QRICH1: variants seen among roughly 807,000 people sequenced by gnomAD.
QRICH1 encodes the protein glutamine rich 1.
QRICH1 carries 16 observed loss-of-function variants against 87.1 expected under a neutral mutation model. That is an observed-to-expected ratio of 0.18 (90% CI 0.12 to 0.28). The LOEUF is 0.28. Ranked by LOEUF, QRICH1 falls within the 10% of genes least tolerant of loss-of-function variation. QRICH1 has a pLI of 1.00. For synonymous variants in QRICH1, 367 were observed against 368.4 expected (o/e 1.00, Z 0.05); for missense variants, 647 against 951.7 (o/e 0.68, Z 4.21).
chr3:49,092,889 C>CT (rs941835102), intron 1 of QRICH1, among the ~76,000 whole-genome samples: 18 of 152,226 alleles, frequency 1.2e-4, no homozygotes, highest in Non-Finnish European at 2.2e-4. Flanking sequence ...TTAAGGCCAA[C>CT]TTTTTGGCTG....
Position 49,029,956 on chromosome 3 carries a change from CA to C in QRICH1, c.*495del, listed in dbSNP as rs2093224001. 1 of 179,886 alleles carries C rather than the reference CA, an allele frequency of 5.6e-6. No homozygotes were observed. Among genetic ancestry groups the C allele is most frequent in the Non-Finnish European group, 1.2e-5 (1 of 85,994 alleles). The allele number at this position is 179,886 out of a possible 1,614,324, so 11.1% of individuals were successfully genotyped here. A position where few individuals can be genotyped will look rare whatever the true frequency, so the allele number is the denominator to read the frequency against. On this transcript the variant is annotated 3_prime_UTR_variant, in exon 10 of 10. Transcript: ENST00000395443. ...GTAATAGAAATTGTCTTTAATAAATCATAATTGAAGTTCCCCTCATTTTTCT... is the reference window on the plus strand; with the variant it reads ...GTAATAGAAATTGTCTTTAATAAATCTAATTGAAGTTCCCCTCATTTTTCT...
chr3:49,078,093 G>GA lies in QRICH1; in HGVS notation c.-21-1056dup, dbSNP rs536033421. Among the ~76,000 whole-genome samples, 14 of 152,234 alleles carry GA rather than the reference G, an allele frequency of 9.2e-5. No homozygotes were observed. In the East Asian group the frequency reaches 2.7e-3, roughly 29 times the overall value. The stretch of plus-strand genomic sequence containing the variant: ...GTAGCAGCAGGATGAAAGAGTAACA[G>GA]AAAACAAGCGAACGTTTTTGCCAAA... On this transcript the variant is annotated intron_variant, in intron 1 of 9. Transcript: ENST00000395443.
At chr3:49,055,016 G>A (rs1045967276) in intron 3 of QRICH1, among the ~76,000 whole-genome samples, 3 of 152,068 alleles carry the variant, frequency 2.0e-5, no homozygotes, top group African/African-American at 7.2e-5. Flanking sequence ...TAATTATTCT[G>A]CCTTATAAAT....
At chr3:49,064,631 C>A (rs1237966063) in intron 2 of QRICH1, among the ~76,000 whole-genome samples, 1 of 152,108 alleles carries the variant, frequency 6.6e-6, no homozygotes, top group Non-Finnish European at 1.5e-5. Context: ...TTTGGGAGGC[C>A]AAGGTGGGTG....
intron 1 of QRICH1, among the ~76,000 whole-genome samples, chr3:49,083,710 A>G (rs1483333148): frequency 6.6e-6 from 1 of 151,798 alleles, no homozygotes; most frequent in African/African-American, 2.4e-5. Flanking sequence ...TGAGCCTGCA[A>G]TGAGCTATGA....
At chr3:49,036,373 A>T (rs2093275360) in intron 6 of QRICH1, among the ~76,000 whole-genome samples, 1 of 152,254 alleles carries the variant, frequency 6.6e-6, no homozygotes, top group African/African-American at 2.4e-5. Context: ...ACCAGGCTCC[A>T]GAACTGAAGG....
chr3:49,059,459 T>C (rs902551469), intron 2 of QRICH1, among the ~76,000 whole-genome samples: 4 of 148,338 alleles, frequency 2.7e-5, no homozygotes, highest in Non-Finnish European at 6.0e-5. Context: ...GTCTCGCTGT[T>C]ACCAGGCTGG....
intron 3 of QRICH1, among the ~76,000 whole-genome samples, chr3:49,052,101 GAAGC>G (rs1320147878): frequency 6.6e-6 from 1 of 152,176 alleles, no homozygotes; most frequent in Non-Finnish European, 1.5e-5. Flanking sequence ...AACAAGAATG[GAAGC>G]AAGTACTGGT....
At chr3:49,073,268 T>C (rs1385918179) in intron 2 of QRICH1, among the ~76,000 whole-genome samples, 2 of 152,182 alleles carry the variant, frequency 1.3e-5, no homozygotes, top group Non-Finnish European at 2.9e-5. Context: ...AGGAAAACTT[T>C]GGCCAGGCAC....
In QRICH1 at chr3:49,057,022, A is replaced by G; in HGVS notation, c.1178T>C (p.Ile393Thr). The change falls in exon 3 of 10, where the codon ATC (isoleucine) becomes ACC (threonine). Residue 393 changes from isoleucine to threonine, a missense_variant. Ile to Thr is a moderately conservative substitution (Grantham distance 89). Around this residue, in one of 7 missense-constraint regions of QRICH1, gnomAD observed 115 missense variants for 126.8 expected, o/e 0.91. Transcript: ENST00000395443. This position sits in a 1 kb window ranked among gnomAD's most constrained non-coding sequence, Gnocchi z 5.4. ...AGCCTGCACAGCCACTGGAATGTGG[A>G]TGTTGCCATTCATGAACTGTGCTGG... is the stretch of plus-strand genomic sequence containing the variant. ...LFPAQFMNGN[I>T]HIPVAVQAVA... 6.2e-7 allele frequency: 1 copy of G among 1,614,178 alleles called. No homozygotes were observed. The highest frequency in any genetic ancestry group is 8.5e-7 in the Non-Finnish European group (1 of 1,180,028).
intron 6 of QRICH1, among the ~76,000 whole-genome samples, chr3:49,037,837 G>A (rs1426296500): frequency 6.6e-6 from 1 of 151,792 alleles, no homozygotes; most frequent in Admixed American, 6.6e-5. Context: ...AAATTAGCTG[G>A]GTGTGATGGT....
chr3:49,048,835 G>A (rs1435829086), intron 3 of QRICH1, among the ~76,000 whole-genome samples: 1 of 148,576 alleles, frequency 6.7e-6, no homozygotes, highest in Non-Finnish European at 1.5e-5. Flanking sequence ...CCTCACACTT[G>A]GGCCTTATCT....
At chr3:49,047,044 C>G (rs747744164) in intron 4 of QRICH1, 25 bp downstream of exon 4, 1 of 1,597,412 alleles carries the variant, frequency 6.3e-7, no homozygotes, top group African/African-American at 1.3e-5. Context: ...TTAGACACAG[C>G]CCACTCTTCT....
At chr3:49,053,928 T>C (rs1375613799) in intron 3 of QRICH1, among the ~76,000 whole-genome samples, 1 of 152,152 alleles carries the variant, frequency 6.6e-6, no homozygotes, top group Non-Finnish European at 1.5e-5. Flanking sequence ...GACTGTCTTA[T>C]TCATCTCTAT....
chr3:49,067,043 G>A (rs1559944391), intron 2 of QRICH1, among the ~76,000 whole-genome samples: 1 of 151,368 alleles, frequency 6.6e-6, no homozygotes, highest in Non-Finnish European at 1.5e-5. Flanking sequence ...CAAAAAAAAA[G>A]AGAGAGAGAA....
At chr3:49,036,427 T>C (rs2093275510) in intron 6 of QRICH1, among the ~76,000 whole-genome samples, 1 of 152,148 alleles carries the variant, frequency 6.6e-6, no homozygotes, top group Admixed American at 6.5e-5. Flanking sequence ...GACTGAAACA[T>C]TCTGTGAAAT....
At chr3:49,043,969 G>GT (rs1009571301) in intron 6 of QRICH1, among the ~76,000 whole-genome samples, 6 of 152,158 alleles carry the variant, frequency 3.9e-5, no homozygotes, top group African/African-American at 1.4e-4. Context: ...CCAAGACCAT[G>GT]TTTTTTTAAG....
intron 1 of QRICH1, 89 bp from the exon 2 acceptor site, chr3:49,077,127 T>G: frequency 1.2e-6 from 1 of 843,168 alleles, no homozygotes; most frequent in Non-Finnish European, 1.7e-6. Flanking sequence ...TGGAATATAT[T>G]CAGGGCAGCT....
chr3:49,055,835 C>T (rs1335346861), intron 3 of QRICH1, among the ~76,000 whole-genome samples: 7 of 151,996 alleles, frequency 4.6e-5, no homozygotes, highest in Non-Finnish European at 1.0e-4. Flanking sequence ...TGTGCCACCA[C>T]ACCCGGCTAA....
Sources: gnomAD v4.1 joint callset for allele counts (sites outside exome capture counted in the v4.1 genomes callset) on GRCh38, gnomAD v4.1.1 for gene constraint, gnomAD v4.1.1 regional missense constraint, Gnocchi (gnomAD v3.1) non-coding constraint, MANE v1.5 for transcripts, NCBI Gene and HGNC (gene_info 2026-07-23, HGNC 2026-07-21) for gene names.